ASB3: variants seen among roughly 807,000 people sequenced by gnomAD.
ASB3 encodes the protein ankyrin repeat and SOCS box protein 3.
A neutral mutation model predicts 54.5 loss-of-function variants in ASB3; 41 were observed. That is an observed-to-expected ratio of 0.75 (90% CI 0.59 to 0.98). ASB3 has a LOEUF of 0.98. Among genes scored for constraint, ASB3 ranks in the 50% least tolerant of loss-of-function variants. The pLI is 0.00. For synonymous variants in ASB3, 266 were observed against 221.2 expected (o/e 1.20, Z -1.80); for missense variants, 733 against 620.0 (o/e 1.18, Z -1.94).
chr2:53,674,514 T>C (rs1667978738), intron 9 of ASB3, among the ~76,000 whole-genome samples: 1 of 152,160 alleles, frequency 6.6e-6, no homozygotes, highest in East Asian at 1.9e-4. Flanking sequence ...CAATTCTTAA[T>C]TCATTATGCT....
intron 7 of ASB3, among the ~76,000 whole-genome samples, chr2:53,712,974 A>G (rs896119023): frequency 2.6e-5 from 4 of 152,230 alleles, no homozygotes; most frequent in Non-Finnish European, 5.9e-5. Context: ...CTATGAAATC[A>G]TGAAAGTTAT....
At chr2:53,678,713 G>C (rs922888074) in intron 9 of ASB3, among the ~76,000 whole-genome samples, 1 of 152,110 alleles carries the variant, frequency 6.6e-6, no homozygotes, top group African/African-American at 2.4e-5. Flanking sequence ...TAAGTCCTCG[G>C]GAATCCCCAT....
intron 3 of ASB3, chr2:53,748,225 T>G (rs1424744328): frequency 1.3e-5 from 2 of 152,218 alleles, no homozygotes. Context: ...AAGTCTTCTG[T>G]CATTCAAGGG....
At chr2:53,685,309 T>C (rs919028939) in intron 9 of ASB3, among the ~76,000 whole-genome samples, 5 of 152,120 alleles carry the variant, frequency 3.3e-5, no homozygotes, top group Admixed American at 2.0e-4. Context: ...GAAGAATGGA[T>C]TTGGAGGATA....
At chr2:53,718,574 A>G (rs2103854984) in intron 5 of ASB3, among the ~76,000 whole-genome samples, 1 of 152,342 alleles carries the variant, frequency 6.6e-6, no homozygotes, top group African/African-American at 2.4e-5. Context: ...ACTGAAGTAC[A>G]TAGCCCAAAG....
intron 9 of ASB3, among the ~76,000 whole-genome samples, chr2:53,670,966 C>A (rs754193764): frequency 6.6e-6 from 1 of 152,160 alleles, no homozygotes; most frequent in Non-Finnish European, 1.5e-5. Context: ...TCTGTTAATA[C>A]CTGCACTTAA....
At chr2:53,726,038 G>A (rs374143852) in intron 5 of ASB3, among the ~76,000 whole-genome samples, 1 of 151,960 alleles carries the variant, frequency 6.6e-6, no homozygotes. Context: ...AAAAATTACA[G>A]ACAACTCACT....
At chr2:53,702,562 A>G (rs1669548895) in intron 7 of ASB3, among the ~76,000 whole-genome samples, 1 of 152,206 alleles carries the variant, frequency 6.6e-6, no homozygotes, top group South Asian at 2.1e-4. Context: ...ACAAAAGTCT[A>G]TCTTGTTTAA....
chr2:53,738,189 G>A (rs1223023869), intron 3 of ASB3, among the ~76,000 whole-genome samples: 2 of 152,172 alleles, frequency 1.3e-5, no homozygotes, highest in African/African-American at 4.8e-5. Flanking sequence ...ATTCAGTTGT[G>A]ACTTTTACCA....
At chr2:53,711,639 T>G (rs116830036) in intron 7 of ASB3, among the ~76,000 whole-genome samples, 1,862 of 152,246 alleles carry the variant, frequency 0.012, 34 homozygotes, top group African/African-American at 0.043. Context: ...CTGAGCATGG[T>G]GGCACATGCC....
At chr2:53,754,668 A>C (rs912771942) in intron 2 of ASB3, among the ~76,000 whole-genome samples, 1 of 152,224 alleles carries the variant, frequency 6.6e-6, no homozygotes, top group African/African-American at 2.4e-5. Flanking sequence ...TCTGAGGCTC[A>C]GGTTCCATAA....
At chr2:53,763,324 A>G (rs1673252286) in intron 2 of ASB3, among the ~76,000 whole-genome samples, 1 of 152,196 alleles carries the variant, frequency 6.6e-6, no homozygotes, top group Middle Eastern at 3.4e-3. Flanking sequence ...GCACCACTGC[A>G]CTCCCACCTG....
intron 9 of ASB3, 84 bp from the exon 10 acceptor site, chr2:53,670,774 A>G (rs566862079): frequency 7.0e-7 from 1 of 1,426,492 alleles, no homozygotes; most frequent in African/African-American, 1.4e-5. Context: ...TTTTCCCCCA[A>G]CTCTTAGTAA....
At chr2:53,785,281 T>C (rs1674883441) in intron 1 of ASB3, among the ~76,000 whole-genome samples, 1 of 152,256 alleles carries the variant, frequency 6.6e-6, no homozygotes, top group African/African-American at 2.4e-5. Flanking sequence ...AGTTCCCCTC[T>C]TACTTGAACA....
At position 53,694,106 on chromosome 2, in the gene ASB3, T is replaced by C. The variant is rs1322138213; in HGVS notation, c.1239-92A>G. 4 of 1,457,432 alleles carry C rather than the reference T, an allele frequency of 2.7e-6. No homozygotes were observed. In the African/African-American group the frequency reaches 4.3e-5, roughly 16 times the overall value. The allele number at this position is 1,457,432 out of a possible 1,614,324, so 90.3% of individuals were successfully genotyped here. On this transcript the variant is annotated intron_variant, in intron 8 of 9. Transcript: ENST00000263634. ...ACACCACATACCTATTCTTACAAAA[T>C]CTCAATGAGGAGGGCAGACAGAAAA...
chr2:53,765,915 TTGATAAGAGCACCCTCTTTGGTGCTCC>T (rs1673422883), intron 1 of ASB3, among the ~76,000 whole-genome samples: 1 of 103,336 alleles, frequency 9.7e-6, no homozygotes, highest in Non-Finnish European at 2.7e-5. Context: ...TGGTGCTCCA[TTGATAAGAGCACCCTCTTTGGTGCTCC>T]ATTGATAAGA....
chr2:53,697,702 G>C (rs1312838093), intron 8 of ASB3, among the ~76,000 whole-genome samples: 2 of 152,146 alleles, frequency 1.3e-5, no homozygotes, highest in South Asian at 2.1e-4. Flanking sequence ...AAGAAGCAAA[G>C]AGTAATAGGA....
intron 4 of ASB3, 30 bp downstream of exon 4, chr2:53,729,428 T>C (rs754479168): frequency 6.2e-7 from 1 of 1,607,606 alleles, no homozygotes; most frequent in South Asian, 1.1e-5. Context: ...ACAATTTACA[T>C]GGAAATGAAA....
chr2:53,763,661 A>C (rs1673275431), intron 2 of ASB3: 1 of 169,562 alleles, frequency 5.9e-6, no homozygotes. Flanking sequence ...AAGCATGCCC[A>C]AGTTTACTCA....
Sources: allele counts gnomAD v4.1 joint callset (sites outside exome capture counted in the v4.1 genomes callset), GRCh38; gene constraint gnomAD v4.1.1; transcripts MANE v1.5; gene names NCBI Gene and HGNC (gene_info 2026-07-23, HGNC 2026-07-21).